The following FARS2 variants were observed in gnomAD, a reference collection of about 807,000 sequenced individuals.
The protein encoded by FARS2 is phenylalanine--tRNA ligase, mitochondrial.
FARS2 carries 40 observed loss-of-function variants against 46.4 expected under a neutral mutation model. The ratio of observed to expected loss-of-function variants is 0.86; its 90% CI spans 0.67 to 1.12. FARS2 has a LOEUF of 1.12. Ranked by LOEUF, FARS2 falls within the 50% of genes most tolerant of loss-of-function variation. The probability of loss-of-function intolerance (pLI) is 0.00; values close to 1 mark genes in which losing one functional copy is unlikely to be tolerated. For synonymous variants in FARS2, 234 were observed against 214.9 expected (o/e 1.09, Z -0.78); for missense variants, 513 against 567.9 (o/e 0.90, Z 0.98).
chr6:5,295,326 T>C (rs1422835905), intron 1 of FARS2, among the ~76,000 whole-genome samples: 1 of 152,086 alleles, frequency 6.6e-6, no homozygotes, highest in Non-Finnish European at 1.5e-5. Flanking sequence ...AGAAAAATAG[T>C]GATGATGATT....
intron 6 of FARS2, among the ~76,000 whole-genome samples, chr6:5,724,048 G>T (rs774791358): frequency 6.6e-6 from 1 of 152,210 alleles, no homozygotes; most frequent in Non-Finnish European, 1.5e-5. Context: ...CGCCCCAGTG[G>T]GTTACACGGG....
intron 1 of FARS2, among the ~76,000 whole-genome samples, chr6:5,347,516 G>A (rs926596983): frequency 1.3e-5 from 2 of 151,974 alleles, no homozygotes; most frequent in Non-Finnish European, 2.9e-5. Flanking sequence ...GTGTGTGTGC[G>A]TGTGTGTGTG....
intron 6 of FARS2, among the ~76,000 whole-genome samples, chr6:5,667,333 T>C (rs546878679): frequency 2.8e-4 from 42 of 151,628 alleles, no homozygotes; most frequent in African/African-American, 7.7e-4. Flanking sequence ...GCCTGGCCAA[T>C]ATGGAGAAAC....
At chr6:5,734,072 T>C (rs76492461) in intron 6 of FARS2, among the ~76,000 whole-genome samples, 2 of 152,190 alleles carry the variant, frequency 1.3e-5, no homozygotes, top group African/African-American at 4.8e-5. Flanking sequence ...GCTAAGGGGT[T>C]TGGGATTGCC....
chr6:5,271,496 T>C (rs1247001468), intron 1 of FARS2, among the ~76,000 whole-genome samples: 2 of 152,084 alleles, frequency 1.3e-5, no homozygotes, highest in Non-Finnish European at 2.9e-5. Flanking sequence ...GCCAGAGTTA[T>C]ATTTTTTTAT....
chr6:5,413,512 T>G (rs1582033047), intron 3 of FARS2, among the ~76,000 whole-genome samples: 1 of 152,190 alleles, frequency 6.6e-6, no homozygotes, highest in Non-Finnish European at 1.5e-5. Flanking sequence ...AAGATTCTCC[T>G]TCTACTCTTT....
chr6:5,551,273 C>T (rs1053350480), intron 5 of FARS2, among the ~76,000 whole-genome samples: 1 of 152,184 alleles, frequency 6.6e-6, no homozygotes, highest in African/African-American at 2.4e-5. Context: ...CTAACATGTT[C>T]CTCATTTCCT....
intron 5 of FARS2, among the ~76,000 whole-genome samples, chr6:5,546,351 A>G (rs914931929): frequency 6.6e-6 from 1 of 150,450 alleles, no homozygotes; most frequent in African/African-American, 2.5e-5. Context: ...CCTGGGTTCA[A>G]GCAATTCTCC....
intron 4 of FARS2, among the ~76,000 whole-genome samples, chr6:5,478,785 G>C (rs919343096): frequency 7.9e-5 from 12 of 152,202 alleles, no homozygotes; most frequent in Non-Finnish European, 1.6e-4. Context: ...TGAGTGGCCA[G>C]ATGGTTGTGG....
chr6:5,495,051 G>A (rs1023843618), intron 4 of FARS2, among the ~76,000 whole-genome samples: 2 of 152,176 alleles, frequency 1.3e-5, no homozygotes, highest in African/African-American at 4.8e-5. Context: ...TGTGGGTGAC[G>A]AATGTCTGCC....
intron 6 of FARS2, among the ~76,000 whole-genome samples, chr6:5,762,821 C>G (rs2150980349): frequency 6.6e-6 from 1 of 152,176 alleles, no homozygotes. Context: ...GAACAGAAAT[C>G]CCTCTGGGAG....
chr6:5,663,164 G>A (rs1348968482), intron 6 of FARS2, among the ~76,000 whole-genome samples: 1 of 152,110 alleles, frequency 6.6e-6, no homozygotes, highest in Non-Finnish European at 1.5e-5. Context: ...TATAGCAGGT[G>A]AATGTTTACA....
Position 5,765,269 on chromosome 6 carries a change from G to A in FARS2, c.1218-6022G>A, listed in dbSNP as rs1762692742. On this transcript the variant is annotated intron_variant, in intron 6 of 6. Coordinates refer to ENST00000274680, the MANE Select transcript of FARS2 (RefSeq NM_006567.5). This position sits in a 1 kb window ranked among gnomAD's most constrained non-coding sequence, Gnocchi z 4.0. The stretch of plus-strand genomic sequence containing the variant: ...CTTGTACAGGATGGTAAAGTTAGGT[G>A]GCATTCACACTGGAGCAGGGACCAG... Among the ~76,000 whole-genome samples, 1 of 152,234 alleles carries A rather than the reference G, an allele frequency of 6.6e-6. No individual in the cohort carries two copies. The highest frequency in any genetic ancestry group is 2.1e-4 in the South Asian group (1 of 4,832).
Position 5,765,682 on chromosome 6 carries a change from C to T in FARS2, c.1218-5609C>T, listed in dbSNP as rs965750949. ...TGGGGTGCGGTGTGGCTGACTTCAT[C>T]GCCAAGCAAGTACCAGCCCCTCCTG... On this transcript the variant is annotated intron_variant, in intron 6 of 6. Coordinates refer to ENST00000274680, the MANE Select transcript of FARS2 (RefSeq NM_006567.5). This position sits in a 1 kb window ranked among gnomAD's most constrained non-coding sequence, Gnocchi z 4.0. Among the ~76,000 whole-genome samples the T allele has an allele frequency of 1.3e-5, 2 of 152,146 alleles. No homozygotes were observed. The highest frequency in any genetic ancestry group is 2.4e-5 in the African/African-American group (1 of 41,420).
At chr6:5,730,519 G>GTT (rs10609045) in intron 6 of FARS2, among the ~76,000 whole-genome samples, 27 of 148,036 alleles carry the variant, frequency 1.8e-4, no homozygotes, top group African/African-American at 2.7e-4. Flanking sequence ...TTACAAAGAG[G>GTT]TTTTTTTTTT....
At chr6:5,282,936 A>T (rs572774510) in intron 1 of FARS2, among the ~76,000 whole-genome samples, 1 of 152,184 alleles carries the variant, frequency 6.6e-6, no homozygotes, top group African/African-American at 2.4e-5. Flanking sequence ...CTTGCAATGC[A>T]TATAGTATAA....
intron 1 of FARS2, among the ~76,000 whole-genome samples, chr6:5,276,227 T>C (rs1053012191): frequency 6.6e-6 from 1 of 152,234 alleles, no homozygotes; most frequent in Non-Finnish European, 1.5e-5. Flanking sequence ...GGAAGATTTA[T>C]TGTGCATTTT....
chr6:5,614,411 CTTT>C (rs199992978), intron 6 of FARS2, among the ~76,000 whole-genome samples: 8 of 139,454 alleles, frequency 5.7e-5, no homozygotes, highest in Admixed American at 1.4e-4. Flanking sequence ...CCTTCTTTGT[CTTT>C]TTTTTTTTTT....
rs146441102 is a variant in FARS2, at chr6:5,761,238, G to T, written c.1218-10053G>T. On this transcript the variant is annotated intron_variant, in intron 6 of 6. Transcript: ENST00000274680. ...CATTTAGTATTAATGGTTTCATCCT[G>T]TTGACTGTCTATTCATGTATAAATG... Among the ~76,000 whole-genome samples, 643 of 152,246 alleles carry T rather than the reference G, an allele frequency of 4.2e-3. 3 individuals are homozygous for T. Among genetic ancestry groups the T allele is most frequent in the African/African-American group, 0.015 (612 of 41,538 alleles).
Sources: allele counts gnomAD v4.1 joint callset (sites outside exome capture counted in the v4.1 genomes callset), GRCh38; gene constraint gnomAD v4.1.1; non-coding constraint Gnocchi (gnomAD v3.1); transcripts MANE v1.5; gene names NCBI Gene and HGNC (gene_info 2026-07-23, HGNC 2026-07-21).